SULF2: variants seen among roughly 807,000 people sequenced by gnomAD.
SULF2 encodes extracellular sulfatase Sulf-2.
SULF2 carries 52 observed loss-of-function variants against 107.7 expected under a neutral mutation model. The ratio of observed to expected loss-of-function variants is 0.48; its 90% CI spans 0.39 to 0.61. SULF2 has a LOEUF of 0.61. Ranked by LOEUF, SULF2 falls within the 20% of genes least tolerant of loss-of-function variation. The pLI is 0.00. For missense variants in SULF2, 993 were observed against 1,177.3 expected (o/e 0.84, Z 2.29); for synonymous variants, 460 against 464.3 (o/e 0.99, Z 0.12).
chr20:47,730,053 C>A (rs1365538253), intron 3 of SULF2, among the ~76,000 whole-genome samples: 3 of 152,192 alleles, frequency 2.0e-5, no homozygotes, highest in East Asian at 3.9e-4. Flanking sequence ...CACAGAGGCC[C>A]CCCAGACCCT....
chr20:47,693,972 T>C (rs2088289740), intron 4 of SULF2, among the ~76,000 whole-genome samples: 1 of 152,212 alleles, frequency 6.6e-6, no homozygotes, highest in Admixed American at 6.5e-5. Context: ...ACTGTCTTGG[T>C]GGCTGGGCAG....
intron 2 of SULF2, among the ~76,000 whole-genome samples, chr20:47,756,834 C>T (rs538509428): frequency 4.6e-5 from 7 of 152,156 alleles, no homozygotes; most frequent in Admixed American, 6.5e-5. Context: ...TTAGTAAAGA[C>T]GGGGTTTCAC....
At chr20:47,699,613 G>A (rs1211045586) in intron 4 of SULF2, among the ~76,000 whole-genome samples, 1 of 152,114 alleles carries the variant, frequency 6.6e-6, no homozygotes, top group Admixed American at 6.5e-5. Flanking sequence ...GACTCCAAAT[G>A]TGAAACTCAC....
intron 2 of SULF2, among the ~76,000 whole-genome samples, chr20:47,747,018 T>TATATATATATACAC (rs1232551264): frequency 2.5e-3 from 191 of 75,018 alleles, no homozygotes; most frequent in African/African-American, 7.4e-3. Flanking sequence ...TATATATATA[T>TATATATATATACAC]ACACACACAC....
intron 7 of SULF2, among the ~76,000 whole-genome samples, chr20:47,682,694 A>G (rs2087865605): frequency 6.6e-6 from 1 of 152,176 alleles, no homozygotes; most frequent in Admixed American, 6.5e-5. Flanking sequence ...CAGAAATCCA[A>G]GCACCATTCC....
At chr20:47,753,351 C>T (rs983616778) in intron 2 of SULF2, among the ~76,000 whole-genome samples, 1 of 152,180 alleles carries the variant, frequency 6.6e-6, no homozygotes, top group Non-Finnish European at 1.5e-5. Flanking sequence ...GGGACCCCCA[C>T]ATCAAAAGCT....
rs184120174 is a variant in SULF2, at chr20:47,771,630, T to C, written c.-101+13713A>G. On this transcript the variant is annotated intron_variant, in intron 1 of 20. Transcript: ENST00000688720. Reference sequence around the variant, plus strand: ...CCGCCCAACAACATGGAGGTTGCCCTGGAGTCCAGGAGGGAAGGCTGCTGT... The same window carrying C: ...CCGCCCAACAACATGGAGGTTGCCCCGGAGTCCAGGAGGGAAGGCTGCTGT... Among the ~76,000 whole-genome samples the C allele has an allele frequency of 2.5e-3, 380 of 151,742 alleles. 4 individuals carry two copies. Among genetic ancestry groups the C allele is most frequent in the African/African-American group, 8.9e-3 (366 of 41,290 alleles).
chr20:47,714,700 A>G (rs2089054527), intron 3 of SULF2, among the ~76,000 whole-genome samples: 1 of 152,066 alleles, frequency 6.6e-6, no homozygotes, highest in African/African-American at 2.4e-5. Flanking sequence ...CATGCCCTAC[A>G]AAGTCCTATA....
chr20:47,667,277 C>T (rs796189390), intron 11 of SULF2, among the ~76,000 whole-genome samples: 6 of 152,246 alleles, frequency 3.9e-5, no homozygotes, highest in African/African-American at 1.4e-4. Context: ...CTTTGAGTCC[C>T]AGAGAGCTGG....
chr20:47,670,358 A>C (rs770474533), intron 11 of SULF2, among the ~76,000 whole-genome samples: 3 of 151,518 alleles, frequency 2.0e-5, no homozygotes, highest in Non-Finnish European at 4.4e-5. Context: ...ATGCCTGGCT[A>C]ATTTTTGTAT....
chr20:47,697,911 T>C (rs2088438098), intron 4 of SULF2, among the ~76,000 whole-genome samples: 1 of 152,248 alleles, frequency 6.6e-6, no homozygotes, highest in Non-Finnish European at 1.5e-5. Context: ...AGAATCCGCC[T>C]GCACTGAGGC....
At chr20:47,671,847 T>A (rs1457423401) in intron 11 of SULF2, among the ~76,000 whole-genome samples, 1 of 152,040 alleles carries the variant, frequency 6.6e-6, no homozygotes, top group Non-Finnish European at 1.5e-5. Context: ...CCCAAGTAGC[T>A]GGGATTACAA....
At chr20:47,713,710 A>G (rs188491776) in intron 3 of SULF2, among the ~76,000 whole-genome samples, 127 of 152,038 alleles carry the variant, frequency 8.4e-4, no homozygotes, top group African/African-American at 2.9e-3. Context: ...TGATTGTGCC[A>G]CTGCACTCCA....
intron 2 of SULF2, among the ~76,000 whole-genome samples, chr20:47,745,403 A>G (rs1453507093): frequency 0.044 from 1,109 of 24,968 alleles, 55 homozygotes; most frequent in African/African-American, 0.094. Flanking sequence ...AAAAAAAAAA[A>G]AAAAAAAATA....
intron 3 of SULF2, among the ~76,000 whole-genome samples, chr20:47,734,792 C>T (rs2089691135): frequency 6.6e-6 from 1 of 152,162 alleles, no homozygotes. Flanking sequence ...GCTCTTTACA[C>T]TTGACATTAC....
In SULF2 at chr20:47,661,882, C is replaced by T. The variant is rs1191009075; in HGVS notation, c.2385G>A (p.Val795=). Residue 795 remains valine (V), a synonymous_variant, in exon 18 of 21, where the codon GTG becomes GTA. Coordinates refer to ENST00000688720, the MANE Select transcript of SULF2 (RefSeq NM_001387048.1). ...NTDPYQLMNA[V]NTLDRDVLNQ... ...TGAGGACATCCCTGTCCAGTGTGTT[C>T]ACTGCATTCATCAGCTGGTTGCAAA... The T allele has an allele frequency of 3.8e-6, 6 of 1,568,464 alleles. No individual in the cohort carries two copies. The highest frequency in any genetic ancestry group is 4.3e-6 in the Non-Finnish European group (5 of 1,149,494).
At chr20:47,670,978 G>A (rs1456240019) in intron 11 of SULF2, among the ~76,000 whole-genome samples, 1 of 151,782 alleles carries the variant, frequency 6.6e-6, no homozygotes, top group Non-Finnish European at 1.5e-5. Flanking sequence ...GCCTTGGAGG[G>A]CACACTTCTA....
At chr20:47,682,915 CTTGGGT>C (rs1219366685) in intron 7 of SULF2, 73 bp downstream of exon 7, 1 of 1,424,256 alleles carries the variant, frequency 7.0e-7, no homozygotes, top group East Asian at 2.3e-5. Context: ...CCAGGGTGGG[CTTGGGT>C]TTGGGCTGCA....
chr20:47,716,017 G>A (rs2089108861), intron 3 of SULF2, among the ~76,000 whole-genome samples: 1 of 152,128 alleles, frequency 6.6e-6, no homozygotes, highest in African/African-American at 2.4e-5. Flanking sequence ...TGGCCCACAC[G>A]GGACATGACT....
Sources: allele counts gnomAD v4.1 joint callset (sites outside exome capture counted in the v4.1 genomes callset), GRCh38; gene constraint gnomAD v4.1.1; transcripts MANE v1.5; gene names NCBI Gene and HGNC (gene_info 2026-07-23, HGNC 2026-07-21).